Variants in GDPD1 observed in about 807,000 individuals in gnomAD.
GDPD1 encodes the protein glycerophosphodiester phosphodiesterase domain containing 1, also known as lysophospholipase D GDPD1.
Under a neutral mutation model 45.1 loss-of-function variants are expected in GDPD1, and 28 were observed. That is an observed-to-expected ratio of 0.62 (90% CI 0.46 to 0.85). GDPD1 has a LOEUF of 0.85. Ranked by LOEUF, GDPD1 falls within the 40% of genes least tolerant of loss-of-function variation. GDPD1 has a pLI of 0.00. For synonymous variants in GDPD1, 139 were observed against 131.4 expected (o/e 1.06, Z -0.40); for missense variants, 256 against 364.8 (o/e 0.70, Z 2.43).
intron 2 of GDPD1, among the ~76,000 whole-genome samples, chr17:59,235,760 T>A (rs2147879512): frequency 6.6e-6 from 1 of 151,104 alleles, no homozygotes; most frequent in East Asian, 1.9e-4. Flanking sequence ...GAGGTTGCAT[T>A]GAGCCGAGAT....
Position 59,248,855 on chromosome 17 carries a change from G to T in GDPD1, c.367+70G>T, listed in dbSNP as rs373636667. On this transcript the variant is annotated intron_variant, in intron 4 of 9. Transcript: ENST00000284116. ...TATGTGTGTTTTCTTGTCATAGTAA[G>T]TTCTTACTAAAAGTAACTGACCTCT... 25 of 1,157,850 alleles carry T rather than the reference G, an allele frequency of 2.2e-5. No individual in the cohort carries two copies. The South Asian group carries it at 3.5e-4, about 16-fold the overall frequency. 71.7% of individuals were successfully genotyped at this position (1,157,850 alleles called of 1,614,324 possible).
chr17:59,249,602 AC>A (rs2047238063), intron 4 of GDPD1, among the ~76,000 whole-genome samples: 1 of 152,170 alleles, frequency 6.6e-6, no homozygotes, highest in Non-Finnish European at 1.5e-5. Context: ...TTCTGAGGGA[AC>A]ATTTCTCACA....
chr17:59,251,229 A>G (rs1211945382), intron 4 of GDPD1, among the ~76,000 whole-genome samples: 1 of 152,182 alleles, frequency 6.6e-6, no homozygotes, highest in African/African-American at 2.4e-5. Context: ...ATTAAGAACA[A>G]TGCTGTGGGT....
intron 6 of GDPD1, among the ~76,000 whole-genome samples, chr17:59,259,293 CG>C: frequency 6.6e-6 from 1 of 151,802 alleles, no homozygotes; most frequent in East Asian, 1.9e-4. Flanking sequence ...AGAGGCCGGG[CG>C]CGGTGGCTCA....
intron 2 of GDPD1, among the ~76,000 whole-genome samples, chr17:59,236,482 T>G (rs1289600903): frequency 6.6e-6 from 1 of 151,040 alleles, no homozygotes; most frequent in East Asian, 1.9e-4. Context: ...CATGCTATTT[T>G]TGTTGTTGTT....
intron 1 of GDPD1, among the ~76,000 whole-genome samples, chr17:59,232,284 C>T (rs2047096929): frequency 6.6e-6 from 1 of 152,006 alleles, no homozygotes; most frequent in Non-Finnish European, 1.5e-5. Flanking sequence ...AACCCCATCT[C>T]TACTAAAAAT....
intron 2 of GDPD1, among the ~76,000 whole-genome samples, chr17:59,241,876 C>T (rs147196041): frequency 0.024 from 3,664 of 151,836 alleles, 149 homozygotes; most frequent in African/African-American, 0.084. Flanking sequence ...TGCAGTGAGC[C>T]GAGATTGTGC....
chr17:59,231,715 C>T (rs193130886), intron 1 of GDPD1, among the ~76,000 whole-genome samples: 1 of 152,122 alleles, frequency 6.6e-6, no homozygotes, highest in Non-Finnish European at 1.5e-5. Context: ...AAAATTAAGA[C>T]AACTGCAGAT....
At chr17:59,258,169 C>T (rs1302075069) in intron 6 of GDPD1, among the ~76,000 whole-genome samples, 1 of 152,108 alleles carries the variant, frequency 6.6e-6, no homozygotes, top group Non-Finnish European at 1.5e-5. Flanking sequence ...TCAAGCAATC[C>T]TCCTGCCTTG....
intron 2 of GDPD1, 28 bp from the exon 3 acceptor site, chr17:59,245,386 A>T: frequency 6.3e-7 from 1 of 1,593,322 alleles, no homozygotes. Flanking sequence ...CTTAAGTGTC[A>T]GATGTCATTC....
chr17:59,268,578 C>CAAA (rs1176390251), intron 7 of GDPD1, among the ~76,000 whole-genome samples: 7,599 of 35,102 alleles, frequency 0.22, 1,344 homozygotes, highest in East Asian at 0.25. Context: ...GACTCTGTCT[C>CAAA]AAAAAAAAAA....
chr17:59,264,633 GCT>G, intron 6 of GDPD1, among the ~76,000 whole-genome samples: 1 of 151,854 alleles, frequency 6.6e-6, no homozygotes, highest in Non-Finnish European at 1.5e-5. Flanking sequence ...TTTCCCATAA[GCT>G]CTGTTATCCT....
intron 4 of GDPD1, among the ~76,000 whole-genome samples, chr17:59,254,084 G>A (rs1214458623): frequency 2.0e-5 from 3 of 150,976 alleles, no homozygotes; most frequent in East Asian, 1.9e-4. Context: ...AAAAAGGGCC[G>A]GGTGCGGTGG....
In GDPD1 at chr17:59,275,666, C is replaced by G. The variant is rs993555645; in HGVS notation, c.*1893C>G. Among the ~76,000 whole-genome samples, 1 of 152,134 alleles carries G rather than the reference C, an allele frequency of 6.6e-6. No individual in the cohort carries two copies. The highest frequency in any genetic ancestry group is 2.4e-5 in the African/African-American group (1 of 41,456). On this transcript the variant is annotated 3_prime_UTR_variant, in exon 10 of 10. Transcript: ENST00000284116. ...ATAAAGATGTTCCTGATCTTTAAAA[C>G]TCATTAATCTGAGTATTAAGTAGAA... is the stretch of plus-strand genomic sequence containing the variant.
In GDPD1 at chr17:59,220,579, G is replaced by T. The variant is rs2046994935; in HGVS notation, c.-31G>T. On this transcript the variant is annotated 5_prime_UTR_variant, in exon 1 of 10. Transcript: ENST00000284116. ...GCCGCAGCGGAGTTCAGAGGGCCCGGAGGTGGGAGACTTCCCACACGGTGA... is the reference window on the plus strand; with the variant it reads ...GCCGCAGCGGAGTTCAGAGGGCCCGTAGGTGGGAGACTTCCCACACGGTGA... 3 of 1,607,352 alleles carry T rather than the reference G, an allele frequency of 1.9e-6. No individual in the cohort carries two copies. The highest frequency in any genetic ancestry group is 2.6e-6 in the Non-Finnish European group (3 of 1,176,370).
intron 6 of GDPD1, among the ~76,000 whole-genome samples, chr17:59,265,361 T>C (rs1010349031): frequency 1.3e-5 from 2 of 148,992 alleles, no homozygotes; most frequent in African/African-American, 5.0e-5. Context: ...ATAATGAGAT[T>C]CTGTCTCTAC....
intron 1 of GDPD1, among the ~76,000 whole-genome samples, chr17:59,226,756 A>G (rs2047050022): frequency 6.6e-6 from 1 of 152,002 alleles, no homozygotes; most frequent in African/African-American, 2.4e-5. Context: ...GCTCACTGCA[A>G]CTTCCGCCCC....
intron 1 of GDPD1, among the ~76,000 whole-genome samples, chr17:59,223,947 G>A (rs531440201): frequency 6.6e-6 from 1 of 152,060 alleles, no homozygotes; most frequent in Admixed American, 6.6e-5. Context: ...TGGACAGATG[G>A]CTCTTTCTCT....
chr17:59,264,512 G>A (rs2047383749), intron 6 of GDPD1, among the ~76,000 whole-genome samples: 1 of 151,910 alleles, frequency 6.6e-6, no homozygotes, highest in Non-Finnish European at 1.5e-5. Context: ...GACTGGTCTC[G>A]AACTCCTGAC....
Sources: allele counts gnomAD v4.1 joint callset (sites outside exome capture counted in the v4.1 genomes callset), GRCh38; gene constraint gnomAD v4.1.1; transcripts MANE v1.5; gene names NCBI Gene and HGNC (gene_info 2026-07-23, HGNC 2026-07-21).